RBM6: variants seen among roughly 807,000 people sequenced by gnomAD.
The protein encoded by RBM6 is RNA-binding protein 6.
Under a neutral mutation model 140.4 loss-of-function variants are expected in RBM6, and 23 were observed. That is an observed-to-expected ratio of 0.16 (90% CI 0.12 to 0.23). The LOEUF (loss-of-function observed/expected upper bound fraction) is 0.23. Ranked by LOEUF, RBM6 falls within the 10% of genes least tolerant of loss-of-function variation. The pLI is 1.00. For synonymous variants in RBM6, 439 were observed against 475.6 expected, an observed-to-expected ratio of 0.92 and a Z score of 1.00; for missense variants, 1,139 against 1,386.7, an observed-to-expected ratio of 0.82 and a Z score of 2.84.
At chr3:50,063,969 G>A (rs1176261162) in intron 15 of RBM6, among the ~76,000 whole-genome samples, 5 of 151,348 alleles carry the variant, frequency 3.3e-5, no homozygotes, top group South Asian at 2.1e-4. Context: ...CCGCTCTGTC[G>A]CCCAGGCTGG....
At chr3:50,067,186 CAAAAAAAAA>C (rs751552449) in intron 17 of RBM6, among the ~76,000 whole-genome samples, 1 of 19,556 alleles carries the variant, frequency 5.1e-5, no homozygotes, top group African/African-American at 1.5e-4. Flanking sequence ...GACTCTATCT[CAAAAAAAAA>C]AAAAAAAAAA....
At chr3:50,023,220 G>A (rs2087607548) in intron 6 of RBM6, among the ~76,000 whole-genome samples, 1 of 151,660 alleles carries the variant, frequency 6.6e-6, no homozygotes, top group Non-Finnish European at 1.5e-5. Flanking sequence ...TCCTCCTCCT[G>A]CTTTCTTCTT....
chr3:50,018,589 T>C (rs868818071), intron 6 of RBM6, among the ~76,000 whole-genome samples: 2 of 127,990 alleles, frequency 1.6e-5, no homozygotes, highest in East Asian at 4.5e-4. Flanking sequence ...GTGTTTTTTT[T>C]TTTTTTTTTT....
rs770294018 is a variant in RBM6 at position 49,968,518 on chromosome 3, C to G, written c.1093C>G (p.Gln365Glu). The G allele has an allele frequency of 3.7e-6, 6 of 1,614,168 alleles. No homozygotes were observed. Among genetic ancestry groups the G allele is most frequent in the Admixed American group, 3.3e-5 (2 of 59,996 alleles). The change falls in exon 3 of 21, where the codon CAA becomes GAA. Residue 365 changes from glutamine (Q) to glutamate (E), a missense_variant. By Grantham distance (29) the Gln-to-Glu change is conservative. This residue lies in a region of RBM6 where 566 missense variants were observed against 612.7 expected (regional missense o/e 0.92). Coordinates refer to ENST00000266022, the MANE Select transcript of RBM6 (RefSeq NM_005777.3). ...CTTTCAGAACAGCCAAAGTCCAGTT[C>G]AAGACCAAGATAAGTCACAGCTTTC... The part of the protein sequence containing the change: ...ADFQNSQSPV[Q>E]DQDKSQLSGR...
chr3:49,956,328 C>CT (rs34467093), intron 1 of RBM6, among the ~76,000 whole-genome samples: 3,081 of 71,676 alleles, frequency 0.043, 22 homozygotes, highest in East Asian at 0.053. Flanking sequence ...CCCTCCCCCG[C>CT]TTTTTTTTTT....
At chr3:50,048,726 A>G (rs572964322) in intron 7 of RBM6, among the ~76,000 whole-genome samples, 1 of 152,206 alleles carries the variant, frequency 6.6e-6, no homozygotes, top group Non-Finnish European at 1.5e-5. Flanking sequence ...TTCCAAGGGT[A>G]TAGAACTTCA....
intron 8 of RBM6, among the ~76,000 whole-genome samples, chr3:50,054,662 C>G (rs1044111816): frequency 2.6e-5 from 4 of 152,096 alleles, no homozygotes; most frequent in Admixed American, 6.5e-5. Flanking sequence ...TGTGCCACCA[C>G]GCCCTGTAGC....
intron 1 of RBM6, among the ~76,000 whole-genome samples, chr3:49,953,215 C>G (rs965092930): frequency 7.2e-6 from 1 of 138,854 alleles, no homozygotes; most frequent in Non-Finnish European, 1.6e-5. Context: ...GCCATCACAC[C>G]TTGCTAATTT....
intron 15 of RBM6, among the ~76,000 whole-genome samples, 161 bp from the exon 16 acceptor site, chr3:50,064,870 C>G (rs1223264965): frequency 6.6e-6 from 1 of 152,204 alleles, no homozygotes; most frequent in Non-Finnish European, 1.5e-5. Context: ...GATGGAGTTT[C>G]ACTGCATTAG....
Position 49,991,375 on chromosome 3 carries a change from T to C in RBM6, c.1484-8065T>C, listed in dbSNP as rs557938871. Reference sequence around the variant, plus strand: ...TGATTAAATCATTGACAGTGGGTGATTTGCTCAAGCCCCTCTCCCCTCATC... The same window carrying C: ...TGATTAAATCATTGACAGTGGGTGACTTGCTCAAGCCCCTCTCCCCTCATC... On this transcript the variant is annotated intron_variant, in intron 5 of 20. Transcript: ENST00000266022. Among the ~76,000 whole-genome samples the C allele has an allele frequency of 2.0e-5, 3 of 152,290 alleles. No homozygotes were observed. In the East Asian group the frequency reaches 5.8e-4, roughly 29 times the overall value.
chr3:49,948,050 G>A (rs1259180204), intron 1 of RBM6, among the ~76,000 whole-genome samples: 2 of 151,984 alleles, frequency 1.3e-5, no homozygotes, highest in East Asian at 1.9e-4. Context: ...CTGAGATTGC[G>A]CCACTGCCCT....
intron 6 of RBM6, among the ~76,000 whole-genome samples, chr3:50,019,894 C>T (rs564935798): frequency 1.5e-4 from 22 of 149,670 alleles, no homozygotes; most frequent in Non-Finnish European, 2.8e-4. Flanking sequence ...TTCAGCATGT[C>T]GATGTGATGG....
intron 18 of RBM6, 55 bp downstream of exon 18, chr3:50,068,819 A>G (rs2090198027): frequency 3.4e-6 from 5 of 1,470,360 alleles, no homozygotes; most frequent in Non-Finnish European, 4.8e-6. Context: ...GCTTTCTGAT[A>G]TAGACTTCAT....
In RBM6 at chr3:49,983,036, G is replaced by A. The variant is rs545016832; in HGVS notation, c.1483+7644G>A. Among the ~76,000 whole-genome samples the A allele has an allele frequency of 3.3e-5, 5 of 152,080 alleles. No homozygotes were observed. In the South Asian group the frequency reaches 1.0e-3, roughly 32 times the overall value. On this transcript the variant is annotated intron_variant, in intron 5 of 20. Transcript: ENST00000266022. ...CTAAATTTTTTTTTTGTAGAGACAG[G>A]GTCTCACGCTGTTGCTCAGGCTGGT...
chr3:50,009,582 G>T (rs1288158308), intron 6 of RBM6, among the ~76,000 whole-genome samples: 1 of 152,014 alleles, frequency 6.6e-6, no homozygotes, highest in Non-Finnish European at 1.5e-5. Flanking sequence ...ATTGAGACAG[G>T]GTCTTGCTCT....
intron 18 of RBM6, 101 bp downstream of exon 18, chr3:50,068,865 A>G (rs2090199878): frequency 1.9e-6 from 2 of 1,047,896 alleles, no homozygotes; most frequent in Non-Finnish European, 2.8e-6. Context: ...GAAGATGGAG[A>G]ACAAAAGCAG....
intron 15 of RBM6, among the ~76,000 whole-genome samples, chr3:50,062,453 G>A (rs1317192710): frequency 1.3e-5 from 2 of 150,826 alleles, no homozygotes; most frequent in Non-Finnish European, 1.5e-5. Flanking sequence ...GCAGTGAGCC[G>A]AGATCGCGCC....
chr3:50,072,769 C>T (rs1428698266), intron 19 of RBM6, among the ~76,000 whole-genome samples: 1 of 152,156 alleles, frequency 6.6e-6, no homozygotes, highest in Admixed American at 6.6e-5. Context: ...ATTTGAAATA[C>T]AGTGGATTAG....
intron 16 of RBM6, among the ~76,000 whole-genome samples, chr3:50,065,936 A>G (rs1478204484): frequency 2.6e-5 from 4 of 152,194 alleles, no homozygotes; most frequent in Admixed American, 1.3e-4. Flanking sequence ...GGAGGTATTT[A>G]TCTCTTCCTC....
Sources: gnomAD v4.1 joint callset for allele counts (sites outside exome capture counted in the v4.1 genomes callset) on GRCh38, gnomAD v4.1.1 for gene constraint, gnomAD v4.1.1 regional missense constraint, MANE v1.5 for transcripts, NCBI Gene and HGNC (gene_info 2026-07-23, HGNC 2026-07-21) for gene names.